Variants in B3GLCT observed in about 807,000 individuals in gnomAD.
B3GLCT encodes the protein beta-1,3-glucosyltransferase.
A neutral mutation model predicts 63.4 loss-of-function variants in B3GLCT; 65 were observed. That is an observed-to-expected ratio of 1.03 (90% CI 0.84 to 1.26). The LOEUF is 1.26. Among genes scored for constraint, B3GLCT ranks in the 50% most tolerant of loss-of-function variants. The pLI is 0.00. For missense variants in B3GLCT, 577 were observed against 604.8 expected (o/e 0.95, Z 0.48); for synonymous variants, 233 against 219.2 (o/e 1.06, Z -0.55).
At chr13:31,229,030 A>C (rs375788787) in intron 3 of B3GLCT, among the ~76,000 whole-genome samples, 155 bp from the exon 4 acceptor site, 69 of 152,170 alleles carry the variant, frequency 4.5e-4, no homozygotes, top group African/African-American at 1.6e-3. Context: ...AAAGAGAGAA[A>C]ATTTTGTCTC....
At chr13:31,242,459 A>G (rs1170386011) in intron 4 of B3GLCT, among the ~76,000 whole-genome samples, 1 of 152,220 alleles carries the variant, frequency 6.6e-6, no homozygotes, top group African/African-American at 2.4e-5. Context: ...TGCAAAATTG[A>G]TATTGTTAAT....
At chr13:31,221,033 T>C (rs1353589899) in intron 2 of B3GLCT, among the ~76,000 whole-genome samples, 1 of 152,232 alleles carries the variant, frequency 6.6e-6, no homozygotes, top group Non-Finnish European at 1.5e-5. Flanking sequence ...GGCGTTATCA[T>C]GGCGGTGTGA....
chr13:31,316,992 G>C (rs1056512686), intron 12 of B3GLCT, among the ~76,000 whole-genome samples: 15 of 152,280 alleles, frequency 9.9e-5, no homozygotes, highest in Admixed American at 7.8e-4. Flanking sequence ...TCTCAGACTT[G>C]GGTGGCCTTA....
At chr13:31,299,947 T>G (rs1874142046) in intron 12 of B3GLCT, among the ~76,000 whole-genome samples, 1 of 152,242 alleles carries the variant, frequency 6.6e-6, no homozygotes, top group African/African-American at 2.4e-5. Flanking sequence ...AGTAAAATCC[T>G]AAACACAAGT....
chr13:31,218,509 T>G (rs545383716), intron 2 of B3GLCT, among the ~76,000 whole-genome samples: 303 of 152,316 alleles, frequency 2.0e-3, no homozygotes, highest in South Asian at 6.8e-3. Context: ...GATTGCTTTC[T>G]TAATTTGCTG....
chr13:31,285,951 AAAAATACAC>A (rs1873309478), intron 11 of B3GLCT, among the ~76,000 whole-genome samples: 1 of 152,206 alleles, frequency 6.6e-6, no homozygotes, highest in Non-Finnish European at 1.5e-5. Context: ...TGTAATGGTT[AAAAATACAC>A]AGAGATCAAG....
At position 31,300,872 on chromosome 13, in the gene B3GLCT, C is replaced by T. The variant is rs113013953; in HGVS notation, c.1064+14053C>T. On this transcript the variant is annotated intron_variant, in intron 12 of 14. Transcript: ENST00000343307. ...CAAAGTTCAGGCCCCTCCCCTGATC[C>T]TAATCTTGTGGTCTTTCATTAGTTT... is the stretch of plus-strand genomic sequence containing the variant. Among the ~76,000 whole-genome samples, 305 of 152,262 alleles carry T rather than the reference C, an allele frequency of 2.0e-3. 1 individual carries two copies. The highest frequency in any genetic ancestry group is 6.8e-3 in the Middle Eastern group (2 of 294).
At chr13:31,318,254 C>G (rs1875155013) in intron 13 of B3GLCT, among the ~76,000 whole-genome samples, 1 of 152,174 alleles carries the variant, frequency 6.6e-6, no homozygotes, top group African/African-American at 2.4e-5. Flanking sequence ...TGTAGTCTTA[C>G]TATTGGTGCG....
At chr13:31,268,502 G>C (rs1263603312) in intron 7 of B3GLCT, among the ~76,000 whole-genome samples, 1 of 152,134 alleles carries the variant, frequency 6.6e-6, no homozygotes, top group East Asian at 1.9e-4. Context: ...TTACTCTGAT[G>C]GGCAAACCTG....
chr13:31,327,036 A>G (rs1043749057), intron 14 of B3GLCT, among the ~76,000 whole-genome samples: 1 of 152,024 alleles, frequency 6.6e-6, no homozygotes, highest in Non-Finnish European at 1.5e-5. Context: ...CATTGCTTTT[A>G]CAGTAGTCCT....
intron 11 of B3GLCT, among the ~76,000 whole-genome samples, chr13:31,285,679 A>G (rs1296102674): frequency 1.3e-5 from 2 of 149,258 alleles, no homozygotes; most frequent in African/African-American, 2.5e-5. Flanking sequence ...ATTTTATGTT[A>G]GTGTCACTCA....
intron 4 of B3GLCT, among the ~76,000 whole-genome samples, chr13:31,244,140 C>T (rs1378036399): frequency 1.3e-5 from 2 of 152,110 alleles, no homozygotes; most frequent in Admixed American, 6.5e-5. Context: ...TCTTATTTTC[C>T]CCTTGAATTT....
chr13:31,222,438 A>T (rs1452122087), intron 2 of B3GLCT, among the ~76,000 whole-genome samples: 1 of 152,154 alleles, frequency 6.6e-6, no homozygotes, highest in Non-Finnish European at 1.5e-5. Context: ...GCAGGCCCCT[A>T]GGACTACTCC....
intron 4 of B3GLCT, among the ~76,000 whole-genome samples, chr13:31,241,055 A>C (rs1870915895): frequency 6.6e-6 from 1 of 152,246 alleles, no homozygotes; most frequent in Admixed American, 6.5e-5. Flanking sequence ...CATCACAGGA[A>C]ATAGAACATT....
chr13:31,228,947 C>T (rs927137147), intron 3 of B3GLCT, among the ~76,000 whole-genome samples: 2 of 152,310 alleles, frequency 1.3e-5, no homozygotes, highest in Admixed American at 1.3e-4. Context: ...AGTTTGGTGC[C>T]ATAGACTGGG....
intron 4 of B3GLCT, among the ~76,000 whole-genome samples, chr13:31,245,099 A>G (rs1184452645): frequency 6.6e-6 from 1 of 152,152 alleles, no homozygotes; most frequent in African/African-American, 2.4e-5. Context: ...TCTACTGATA[A>G]TCCATAGAGT....
intron 4 of B3GLCT, among the ~76,000 whole-genome samples, chr13:31,242,144 C>T (rs777867803): frequency 7.2e-5 from 11 of 151,952 alleles, no homozygotes; most frequent in Non-Finnish European, 1.5e-4. Flanking sequence ...TACCTCAGTT[C>T]TGAGGGGATC....
Position 31,276,791 on chromosome 13 carries a change from TTTTATTGAA to T in B3GLCT, c.850+21_850+29del. ...ACAGAAGTATGTTTTGGGTTATTCA[TTTTATTGAA>T]CGCTAAAATCCAGACTACCTTCTAA... is the stretch of plus-strand genomic sequence containing the variant. On this transcript the variant is annotated intron_variant, in intron 10 of 14. Coordinates refer to ENST00000343307, the MANE Select transcript of B3GLCT (RefSeq NM_194318.4). 1 of 1,578,536 alleles carries T rather than the reference TTTTATTGAA, an allele frequency of 6.3e-7. No individual in the cohort carries two copies. The highest frequency in any genetic ancestry group is 8.7e-7 in the Non-Finnish European group (1 of 1,147,778).
At chr13:31,226,986 G>A (rs1470828710) in intron 3 of B3GLCT, among the ~76,000 whole-genome samples, 1 of 152,028 alleles carries the variant, frequency 6.6e-6, no homozygotes, top group Non-Finnish European at 1.5e-5. Flanking sequence ...TGCTATGTGT[G>A]TATATGTTTG....
Sources: allele counts gnomAD v4.1 joint callset (sites outside exome capture counted in the v4.1 genomes callset), GRCh38; gene constraint gnomAD v4.1.1; transcripts MANE v1.5; gene names NCBI Gene and HGNC (gene_info 2026-07-23, HGNC 2026-07-21).